The following TPPP variants were observed in gnomAD, a reference collection of about 807,000 sequenced individuals.
TPPP encodes the protein tubulin polymerization-promoting protein.
TPPP carries 6 observed loss-of-function variants against 15.5 expected under a neutral mutation model. The observed-to-expected ratio is 0.39, with a 90% CI of 0.21 to 0.77. TPPP has a LOEUF of 0.77. Ranked by LOEUF, TPPP falls within the 30% of genes least tolerant of loss-of-function variation. TPPP has a pLI of 0.42. For missense variants in TPPP, 269 were observed against 307.2 expected (o/e 0.88, Z 0.93); for synonymous variants, 146 against 133.9 (o/e 1.09, Z -0.63).
upstream of TPPP, among the ~76,000 whole-genome samples, chr5:698,326 A>C (rs1356001033): frequency 6.6e-6 from 1 of 152,076 alleles, no homozygotes; most frequent in Non-Finnish European, 1.5e-5. Flanking sequence ...CAATCAGGCA[A>C]GAGAAAGAAA....
chr5:682,850 G>T (rs545035674), intron 1 of TPPP, among the ~76,000 whole-genome samples: 2 of 152,162 alleles, frequency 1.3e-5, no homozygotes, highest in African/African-American at 4.8e-5. Flanking sequence ...TGGACAGGCT[G>T]TGCTCACATC....
Position 665,014 on chromosome 5 carries a change from C to T in TPPP, c.*88G>A. 19 of 1,473,338 alleles carry T rather than the reference C, an allele frequency of 1.3e-5. No individual in the cohort carries two copies. Among genetic ancestry groups the T allele is most frequent in the Admixed American group, 1.9e-5 (1 of 53,450 alleles). 91.3% of individuals were successfully genotyped at this position (1,473,338 alleles called of 1,614,324 possible). On this transcript the variant is annotated 3_prime_UTR_variant, in exon 4 of 4. Coordinates refer to ENST00000360578, the MANE Select transcript of TPPP (RefSeq NM_007030.3). ...CTGGGGCACCCGTCTGAGTTCTGCC[C>T]CAGTTAGTACAGGAATGTAATGAAG...
At chr5:691,641 C>G (rs1381521710) in intron 1 of TPPP, among the ~76,000 whole-genome samples, 1 of 26,228 alleles carries the variant, frequency 3.8e-5, no homozygotes, top group Non-Finnish European at 8.3e-5. Flanking sequence ...AAACAGCAGC[C>G]CCCAACCCCC....
In TPPP at chr5:666,053, A is replaced by G; in HGVS notation, c.382T>C (p.Phe128Leu). ...EALEELAKKR[F>L]KDKSSEEAVR... ...GCCTCCTCGCTGCTCTTGTCTTTGA[A>G]TCGCTTCTTGGCGAGCTCCTCCAGC... Residue 128 changes from phenylalanine to leucine, a missense_variant, in exon 3 of 4, where the codon TTC becomes CTC. Physicochemically the swap from Phe to Leu is conservative, Grantham distance 22 (BLOSUM62 0). Coordinates refer to ENST00000360578, the MANE Select transcript of TPPP (RefSeq NM_007030.3). 1 of 1,611,690 alleles carries G rather than the reference A, an allele frequency of 6.2e-7. No homozygotes were observed. The highest frequency in any genetic ancestry group is 8.5e-7 in the Non-Finnish European group (1 of 1,179,590).
chr5:700,293 A>T, the TPPP span, among the ~76,000 whole-genome samples: 1 of 152,024 alleles, frequency 6.6e-6, no homozygotes, highest in East Asian at 1.9e-4. Context: ...TCTTTTGAGC[A>T]ACATGGATAG....
chr5:665,660 C>A (rs1479223855), intron 3 of TPPP, among the ~76,000 whole-genome samples: 3 of 136,736 alleles, frequency 2.2e-5, no homozygotes, highest in Non-Finnish European at 3.2e-5. Flanking sequence ...CCCCCCCAGG[C>A]CACGCCGACC....
intron 2 of TPPP, among the ~76,000 whole-genome samples, chr5:669,795 G>C (rs932796361): frequency 6.6e-6 from 1 of 152,060 alleles, no homozygotes; most frequent in Admixed American, 6.5e-5. Context: ...CTCCCCAGGA[G>C]ACCCGGGTGC....
intron 2 of TPPP, among the ~76,000 whole-genome samples, chr5:669,609 CCTTT>C (rs1243278443): frequency 5.3e-5 from 8 of 152,276 alleles, no homozygotes; most frequent in Non-Finnish European, 1.0e-4. Context: ...GGCACGCAGC[CCTTT>C]CTGACGGCCT....
At chr5:666,703 T>C (rs941011383) in intron 2 of TPPP, among the ~76,000 whole-genome samples, 3 of 152,084 alleles carry the variant, frequency 2.0e-5, no homozygotes, top group African/African-American at 7.3e-5. Context: ...GGAGGTGCCA[T>C]GAGAAGCTTC....
At chr5:697,976 A>G (rs1217748107), upstream of TPPP, among the ~76,000 whole-genome samples, 159 of 144,632 alleles carry the variant, frequency 1.1e-3, 1 homozygote, top group Middle Eastern at 6.9e-3. Context: ...CATCAAAAGG[A>G]TAATACACCC....
In TPPP at chr5:678,191, C is replaced by T. The variant is rs1413623224; in HGVS notation, c.-4-127G>A. ...GCGAGGGCTGAGATGGGCAGGCCCT[C>T]CTGGGGCTGGGCGTGAGGCCCCTCA... On this transcript the variant is annotated intron_variant, in intron 1 of 3. Coordinates refer to ENST00000360578, the MANE Select transcript of TPPP (RefSeq NM_007030.3). The T allele has an allele frequency of 9.0e-6, 9 of 999,344 alleles. No individual in the cohort carries two copies. In the African/African-American group the frequency reaches 1.2e-4, roughly 13 times the overall value. 61.9% of individuals were successfully genotyped at this position (999,344 alleles called of 1,614,324 possible).
At chr5:665,919 G>GGCCCCCCCCCCCCCCCCC in intron 3 of TPPP, 51 bp downstream of exon 3, 2 of 344,042 alleles carry the variant, frequency 5.8e-6, no homozygotes, top group Non-Finnish European at 7.9e-6. Context: ...CACCTTCCAG[G>GGCCCCCCCCCCCCCCCCC]CCCCGCCCCC....
chr5:676,787 CAG>C (rs1184175985), intron 2 of TPPP, among the ~76,000 whole-genome samples: 11 of 152,124 alleles, frequency 7.2e-5, no homozygotes, highest in East Asian at 3.9e-4. Flanking sequence ...ACACATGACA[CAG>C]AAACGCACGT....
At chr5:671,178 T>C (rs1185339253) in intron 2 of TPPP, among the ~76,000 whole-genome samples, 2 of 151,574 alleles carry the variant, frequency 1.3e-5, no homozygotes, top group Non-Finnish European at 2.9e-5. Context: ...ACTGTCTCCC[T>C]CTGGGCGCAC....
At chr5:678,998 G>C (rs932492958) in intron 1 of TPPP, among the ~76,000 whole-genome samples, 17 of 152,250 alleles carry the variant, frequency 1.1e-4, no homozygotes, top group African/African-American at 3.9e-4. Context: ...TCCCAAAGGG[G>C]CCTGGACACC....
upstream of TPPP, among the ~76,000 whole-genome samples, chr5:697,109 C>A (rs1319168792): frequency 1.1e-4 from 16 of 150,870 alleles, no homozygotes; most frequent in African/African-American, 3.9e-4. Context: ...GTGATTGCAT[C>A]TGGTTATTCT....
chr5:677,135 G>A (rs376938142), intron 2 of TPPP, among the ~76,000 whole-genome samples: 3 of 152,274 alleles, frequency 2.0e-5, no homozygotes, highest in South Asian at 4.1e-4. Flanking sequence ...GGCCGGAGCC[G>A]CCTCCTTGGT....
At chr5:684,875 T>C (rs944963593) in intron 1 of TPPP, among the ~76,000 whole-genome samples, 10 of 152,188 alleles carry the variant, frequency 6.6e-5, no homozygotes, top group African/African-American at 2.2e-4. Flanking sequence ...GCCGGCAGTT[T>C]TGAGTCTGTG....
intron 1 of TPPP, chr5:692,920 G>C: frequency 1.1e-6 from 1 of 905,494 alleles, no homozygotes; most frequent in Middle Eastern, 5.6e-4. Context: ...TCCCGAGCTG[G>C]GGAGGGTCTG....
Sources: allele counts gnomAD v4.1 joint callset (sites outside exome capture counted in the v4.1 genomes callset), GRCh38; gene constraint gnomAD v4.1.1; transcripts MANE v1.5; gene names NCBI Gene and HGNC (gene_info 2026-07-23, HGNC 2026-07-21).